FSIP2: variants seen among roughly 807,000 people sequenced by gnomAD.
FSIP2 encodes the protein fibrous sheath-interacting protein 2.
In FSIP2, 367 loss-of-function variants were observed where a neutral mutation model predicts 510.5. The observed-to-expected ratio is 0.72, with a 90% CI of 0.66 to 0.78. The LOEUF (loss-of-function observed/expected upper bound fraction) is 0.78, where lower values mean the gene tolerates loss of function less well. FSIP2 is among the 30% of genes least tolerant of loss of function. The pLI is 0.00. For missense variants in FSIP2, 7,594 were observed against 7,901.7 expected, an observed-to-expected ratio of 0.96 and a Z score of 1.48; for synonymous variants, 2,601 against 2,732.2, an observed-to-expected ratio of 0.95 and a Z score of 1.50.
At chr2:185,758,609 A>C (rs1292406233) in intron 9 of FSIP2, among the ~76,000 whole-genome samples, 1 of 151,020 alleles carries the variant, frequency 6.6e-6, no homozygotes, top group Non-Finnish European at 1.5e-5. Flanking sequence ...ATGTTGTAAC[A>C]CCTCTGGCCA....
Position 185,796,865 on chromosome 2 carries a change from C to A in FSIP2, c.9729C>A (p.Asp3243Glu), listed in dbSNP as rs755361785. The A allele has an allele frequency of 2.6e-6, 4 of 1,535,034 alleles. No homozygotes were observed. Among genetic ancestry groups the A allele is most frequent in the Non-Finnish European group, 3.5e-6 (4 of 1,146,228 alleles). ...GTTCTACTAGAAACAAAGTACAAGACCACAGACCAAGGGAATCTAACTTTG... is the reference window on the plus strand; with the variant it reads ...GTTCTACTAGAAACAAAGTACAAGAACACAGACCAAGGGAATCTAACTTTG... Reference protein sequence around the residue: ...PSCSTRNKVQDHRPRESNFGS... With the variant: ...PSCSTRNKVQEHRPRESNFGS... Residue 3243 changes from aspartate (D) to glutamate (E), a missense_variant, in exon 16 of 23, where the codon GAC (aspartate) becomes GAA (glutamate). Coordinates refer to ENST00000424728, the MANE Select transcript of FSIP2 (RefSeq NM_173651.4).
chr2:185,786,857 T>C (rs1199162271), intron 15 of FSIP2, among the ~76,000 whole-genome samples: 1 of 151,886 alleles, frequency 6.6e-6, no homozygotes, highest in Non-Finnish European at 1.5e-5. Flanking sequence ...GGAAACTTGC[T>C]CAATTCATAG....
intron 10 of FSIP2, among the ~76,000 whole-genome samples, chr2:185,761,633 T>G (rs1176544609): frequency 6.6e-6 from 1 of 151,256 alleles, no homozygotes; most frequent in Non-Finnish European, 1.5e-5. Context: ...ATGAATGGAT[T>G]ACATTGGATT....
At chr2:185,774,455 A>G (rs1692675265) in intron 13 of FSIP2, among the ~76,000 whole-genome samples, 1 of 152,138 alleles carries the variant, frequency 6.6e-6, no homozygotes, top group African/African-American at 2.4e-5. Context: ...AGAGTACATT[A>G]TTGTGATTCC....
At chr2:185,782,980 C>A (rs914567649) in intron 14 of FSIP2, among the ~76,000 whole-genome samples, 2 of 152,156 alleles carry the variant, frequency 1.3e-5, no homozygotes, top group African/African-American at 4.8e-5. Context: ...TATAATCCAG[C>A]TATAGTCAGG....
chr2:185,776,264 C>T (rs1692715857), intron 13 of FSIP2, among the ~76,000 whole-genome samples: 1 of 151,960 alleles, frequency 6.6e-6, no homozygotes, highest in Admixed American at 6.6e-5. Flanking sequence ...AGTGAGACTC[C>T]ATCTCAAAAA....
intron 13 of FSIP2, among the ~76,000 whole-genome samples, chr2:185,767,653 ATCTG>A (rs769627920): frequency 5.1e-4 from 77 of 152,112 alleles, no homozygotes; most frequent in East Asian, 1.9e-3. Flanking sequence ...ATTGTATTAT[ATCTG>A]TCTGTCTGTC....
chr2:185,808,358 T>C lies in FSIP2; in HGVS notation c.19052T>C (p.Val6351Ala). 1.2e-6 allele frequency: 2 copies of C among 1,611,366 alleles called. No individual in the cohort carries two copies. The highest frequency in any genetic ancestry group is 1.7e-6 in the Non-Finnish European group (2 of 1,179,068). ...TTAGATGCCAAACTTTTAGAAGAGG[T>C]GTTGGCCTTGTTCTTGGCTAAACTA... ...LTLDAKLLEE[V>A]LALFLAKLIR... The change falls in exon 17 of 23, where the codon GTG becomes GCG. Residue 6351 changes from valine (V) to alanine (A), a missense_variant. Transcript: ENST00000424728.
chr2:185,769,486 T>C (rs1692564625), intron 13 of FSIP2, among the ~76,000 whole-genome samples: 1 of 152,048 alleles, frequency 6.6e-6, no homozygotes, highest in Non-Finnish European at 1.5e-5. Context: ...TTTTTTTTCT[T>C]ATAAATTTAA....
chr2:185,795,857 G>A lies in FSIP2; in HGVS notation c.8721G>A (p.Glu2907=). The change falls in exon 16 of 23, where the codon GAG becomes GAA. Residue 2907 remains glutamate, a synonymous_variant. Transcript: ENST00000424728. ...TTAAAGGAGCTTCTACTAGAGCCGA[G>A]GATACTAAAGCACAAATTAATATGT... ...NHFKGASTRA[E]DTKAQINMFG... 1 of 1,532,468 alleles carries A rather than the reference G, an allele frequency of 6.5e-7. No individual in the cohort carries two copies. Among genetic ancestry groups the A allele is most frequent in the Non-Finnish European group, 8.7e-7 (1 of 1,145,444 alleles). The allele number at this position is 1,532,468 out of a possible 1,614,324, so 94.9% of individuals were successfully genotyped here.
chr2:185,787,232 T>TAAG (rs3057737), intron 15 of FSIP2, among the ~76,000 whole-genome samples: 82,126 of 151,150 alleles, frequency 0.54, 22,540 homozygotes, highest in South Asian at 0.64. Context: ...TTTTACAACA[T>TAAG]AAGATTGTCA....
chr2:185,795,026 A>T lies in FSIP2; in HGVS notation c.7890A>T (p.Lys2630Asn). ...LLPYLPLQVK[K>N]DLIQMVLNKI... ...CATATTTACCATTGCAAGTGAAGAA[A>T]GACTTAATTCAAATGGTTCTCAATA... is the stretch of plus-strand genomic sequence containing the variant. The change falls in exon 16 of 23, where the codon AAA becomes AAT. Residue 2630 changes from lysine to asparagine, a missense_variant. Transcript: ENST00000424728. 6.5e-7 allele frequency: 1 copy of T among 1,533,934 alleles called. No homozygotes were observed. The highest frequency in any genetic ancestry group is 8.7e-7 in the Non-Finnish European group (1 of 1,145,876).
chr2:185,827,032 GGAGTT>G (rs1694023148), intron 20 of FSIP2, among the ~76,000 whole-genome samples: 5 of 151,648 alleles, frequency 3.3e-5, no homozygotes, highest in Admixed American at 6.6e-5. Context: ...GTTTTTCTGG[GGAGTT>G]GGATGCACAT....
chr2:185,739,595 C>T, intron 2 of FSIP2, 124 bp downstream of exon 2: 1 of 822,222 alleles, frequency 1.2e-6, no homozygotes, highest in Non-Finnish European at 1.7e-6. Context: ...AAAGAAAATC[C>T]CACATCTGAC....
intron 21 of FSIP2, among the ~76,000 whole-genome samples, chr2:185,829,274 G>C (rs905347006): frequency 2.0e-5 from 3 of 151,838 alleles, no homozygotes; most frequent in Admixed American, 6.6e-5. Context: ...AGGTGGAGTA[G>C]GCAGGCTCCA....
intron 13 of FSIP2, among the ~76,000 whole-genome samples, chr2:185,773,270 A>G (rs1692646729): frequency 6.6e-6 from 1 of 152,206 alleles, no homozygotes; most frequent in African/African-American, 2.4e-5. Flanking sequence ...CTTGTTAAAC[A>G]TAGAATTCTT....
intron 17 of FSIP2, among the ~76,000 whole-genome samples, chr2:185,812,891 G>A (rs185819470): frequency 8.5e-5 from 13 of 152,098 alleles, no homozygotes; most frequent in Admixed American, 2.0e-4. Flanking sequence ...ATTCTGTGAC[G>A]TGGTCAAAAG....
Position 185,801,498 on chromosome 2 carries a change from T to C in FSIP2, c.12192T>C (p.Cys4064=). 6.5e-7 allele frequency: 1 copy of C among 1,533,962 alleles called. No homozygotes were observed. Among genetic ancestry groups the C allele is most frequent in the Admixed American group, 2.0e-5 (1 of 50,818 alleles). The change falls in exon 17 of 23, where the codon TGT becomes TGC. Residue 4064 remains cysteine (C), a synonymous_variant. Coordinates refer to ENST00000424728, the MANE Select transcript of FSIP2 (RefSeq NM_173651.4). Reference sequence around the variant, plus strand: ...AGCAGTATGAATTAAAAGTGGCCTGTGGTAATAATCCGGTATACGACAATG... The same window carrying C: ...AGCAGTATGAATTAAAAGTGGCCTGCGGTAATAATCCGGTATACGACAATG... ...VLQQYELKVA[C]GNNPVYDNAS...
In FSIP2 at chr2:185,793,234, T is replaced by C; in HGVS notation, c.6098T>C (p.Ile2033Thr). The change falls in exon 16 of 23, where the codon ATT becomes ACT. Residue 2033 changes from isoleucine to threonine, a missense_variant. Physicochemically the swap from Ile to Thr is moderately conservative, Grantham distance 89 (BLOSUM62 -1). Transcript: ENST00000424728. Reference sequence around the variant, plus strand: ...CCTTTTTTAACTCATGACATTGGGATTTCTGAAAGTATTGCAAGTCAAATT... The same window carrying C: ...CCTTTTTTAACTCATGACATTGGGACTTCTGAAAGTATTGCAAGTCAAATT... ...ENPFLTHDIG[I>T]SESIASQIVN... The C allele has an allele frequency of 2.0e-6, 3 of 1,534,028 alleles. No homozygotes were observed. The South Asian group carries it at 3.6e-5, about 18-fold the overall frequency.
Sources: gnomAD v4.1 joint callset for allele counts (sites outside exome capture counted in the v4.1 genomes callset) on GRCh38, gnomAD v4.1.1 for gene constraint, MANE v1.5 for transcripts, NCBI Gene and HGNC (gene_info 2026-07-23, HGNC 2026-07-21) for gene names.